ASCC2: variants seen among roughly 807,000 people sequenced by gnomAD.
The protein encoded by ASCC2 is activating signal cointegrator 1 complex subunit 2, also known as ASC-1 complex subunit P100.
A neutral mutation model predicts 93.5 loss-of-function variants in ASCC2; 42 were observed. The ratio of observed to expected loss-of-function variants is 0.45; its 90% CI spans 0.35 to 0.58. The LOEUF (loss-of-function observed/expected upper bound fraction) is 0.58, where lower values mean the gene tolerates loss of function less well. Among genes scored for constraint, ASCC2 ranks in the 20% least tolerant of loss-of-function variants. The pLI, the probability that ASCC2 is intolerant of heterozygous loss-of-function variation, is 0.00. For synonymous variants in ASCC2, 364 were observed against 384.2 expected (o/e 0.95, Z 0.62); for missense variants, 859 against 977.6 (o/e 0.88, Z 1.62).
intron 9 of ASCC2, 118 bp downstream of exon 9, chr22:29,807,993 C>T: frequency 3.1e-6 from 3 of 960,450 alleles, no homozygotes; most frequent in South Asian, 3.0e-5. Context: ...CAAAGCTGCA[C>T]AGTCCCTGGT....
At chr22:29,833,639 G>A (rs1362316333) in intron 1 of ASCC2, 1 of 470,764 alleles carries the variant, frequency 2.1e-6, no homozygotes, top group Admixed American at 2.4e-5. Context: ...GGACATACGT[G>A]TTAAATGAAT....
At chr22:29,817,449 A>G (rs2060996071) in intron 5 of ASCC2, among the ~76,000 whole-genome samples, 1 of 151,786 alleles carries the variant, frequency 6.6e-6, no homozygotes, top group Admixed American at 6.6e-5. Context: ...ACCATTCTCA[A>G]CCTCAGAAAA....
intron 10 of ASCC2, 72 bp from the exon 11 acceptor site, chr22:29,806,625 G>A: frequency 6.6e-7 from 1 of 1,509,884 alleles, no homozygotes; most frequent in Non-Finnish European, 9.1e-7. Context: ...CACACCCGCT[G>A]CCCCTCTTTA....
At chr22:29,796,132 G>A (rs1396433772) in intron 15 of ASCC2, among the ~76,000 whole-genome samples, 5 of 150,532 alleles carry the variant, frequency 3.3e-5, no homozygotes, top group African/African-American at 1.2e-4. Context: ...TTTTTGAGAC[G>A]GACTCTTGCT....
At chr22:29,823,630 G>T (rs1000225985) in intron 4 of ASCC2, among the ~76,000 whole-genome samples, 5 of 152,042 alleles carry the variant, frequency 3.3e-5, no homozygotes, top group African/African-American at 1.2e-4. Flanking sequence ...GACGGATCAC[G>T]TGAGGTCAGG....
intron 15 of ASCC2, among the ~76,000 whole-genome samples, chr22:29,797,717 G>C (rs1052435770): frequency 6.6e-6 from 1 of 152,134 alleles, no homozygotes; most frequent in Admixed American, 6.6e-5. Flanking sequence ...TGTGCTCTGC[G>C]ACTCCCCAAA....
At chr22:29,834,827 AAT>A (rs58443474) in intron 1 of ASCC2, among the ~76,000 whole-genome samples, 18,594 of 152,048 alleles carry the variant, frequency 0.12, 1,803 homozygotes, top group African/African-American at 0.27. Flanking sequence ...TCTTGTGCCG[AAT>A]ATGTTAAAAA....
chr22:29,815,306 AG>A (rs962918235), intron 6 of ASCC2: 1 of 153,106 alleles, frequency 6.5e-6, no homozygotes, highest in Non-Finnish European at 1.5e-5. Context: ...TAAAAAAAAA[AG>A]AAAAAAGAAA....
intron 1 of ASCC2, 182 bp from the exon 2 acceptor site, chr22:29,832,524 T>C (rs868723995): frequency 2.0e-6 from 1 of 508,762 alleles, no homozygotes; most frequent in East Asian, 3.2e-5. Context: ...TTTTTTTGCA[T>C]AAAGCAGTTC....
chr22:29,819,749 T>A (rs1330948328), intron 5 of ASCC2, among the ~76,000 whole-genome samples: 3 of 152,180 alleles, frequency 2.0e-5, no homozygotes, highest in African/African-American at 4.8e-5. Flanking sequence ...GCTGCCCTCC[T>A]GGAATGCTCC....
At position 29,790,567 on chromosome 22, in the gene ASCC2, A is replaced by C. The variant is rs941755124; in HGVS notation, c.2023-19T>G. 1.2e-6 allele frequency: 2 copies of C among 1,612,642 alleles called. No individual in the cohort carries two copies. The highest frequency in any genetic ancestry group is 2.7e-5 in the African/African-American group (2 of 74,918). Reference sequence around the variant, plus strand: ...GGTCGGGCTGTGGAAAGGAGAGGAGACCAAATCTGGAGTCAGGAGCTGCCA... The same window carrying C: ...GGTCGGGCTGTGGAAAGGAGAGGAGCCCAAATCTGGAGTCAGGAGCTGCCA... On this transcript the variant is annotated intron_variant, in intron 18 of 19. Transcript: ENST00000307790.
intron 2 of ASCC2, among the ~76,000 whole-genome samples, chr22:29,829,047 G>A (rs759887375): frequency 2.6e-5 from 4 of 152,060 alleles, no homozygotes; most frequent in East Asian, 1.9e-4. Flanking sequence ...GTAGTGGCAC[G>A]CACCTATAGT....
intron 1 of ASCC2, among the ~76,000 whole-genome samples, chr22:29,837,450 T>C (rs1008170678): frequency 6.6e-6 from 1 of 151,720 alleles, no homozygotes; most frequent in Non-Finnish European, 1.5e-5. Context: ...AAAAATAAAT[T>C]AACTGGACAA....
chr22:29,806,224 T>G lies in ASCC2; in HGVS notation c.1152A>C (p.Ser384=), dbSNP rs149893249. The part of the protein sequence containing the change: ...AEDISLLQQA[S]SVLDETRTAY... ...CTATGGTAGAAGGATACAAGACTGA[T>G]GAGGCCTGCTGCAGCAAGCTGATGT... is the stretch of plus-strand genomic sequence containing the variant. Residue 384 remains serine (S), a synonymous_variant, in exon 12 of 20, where the codon TCA becomes TCC. Transcript: ENST00000307790. 2 of 1,614,026 alleles carry G rather than the reference T, an allele frequency of 1.2e-6. No homozygotes were observed. The highest frequency in any genetic ancestry group is 1.7e-6 in the Non-Finnish European group (2 of 1,180,008).
At position 29,801,077 on chromosome 22, in the gene ASCC2, C is replaced by G. The variant is rs373526969; in HGVS notation, c.1602G>C (p.Thr534=). 2 of 1,608,382 alleles carry G rather than the reference C, an allele frequency of 1.2e-6. No homozygotes were observed. The highest frequency in any genetic ancestry group is 2.7e-5 in the African/African-American group (2 of 74,802). The change falls in exon 15 of 20, where the codon ACG becomes ACC. Residue 534 remains threonine (T), a synonymous_variant. Transcript: ENST00000307790. ...EMKPDPTPLL[T]SRHNVFQNDE... ...CATTCTGGAAGACGTTGTGGCGAGA[C>G]GTCAGCAGGGGTGTAGGGTCTGGTT...
chr22:29,798,951 C>T (rs1338404620), intron 15 of ASCC2, among the ~76,000 whole-genome samples: 1 of 152,278 alleles, frequency 6.6e-6, no homozygotes, highest in African/African-American at 2.4e-5. Flanking sequence ...CAGTGAGTCT[C>T]TCTGCGTGCC....
chr22:29,790,437 G>A, intron 19 of ASCC2, 32 bp downstream of exon 19: 1 of 1,612,386 alleles, frequency 6.2e-7, no homozygotes, highest in Non-Finnish European at 8.5e-7. Flanking sequence ...GGTGGGAGGG[G>A]TCCCCCCAGA....
intron 1 of ASCC2, among the ~76,000 whole-genome samples, chr22:29,835,730 G>A (rs1027130188): frequency 1.3e-5 from 2 of 152,146 alleles, no homozygotes; most frequent in Non-Finnish European, 2.9e-5. Flanking sequence ...AAGTTTAGTT[G>A]TTGTTATTAT....
At chr22:29,819,461 C>T (rs2061298518) in intron 5 of ASCC2, among the ~76,000 whole-genome samples, 1 of 152,168 alleles carries the variant, frequency 6.6e-6, no homozygotes, top group Admixed American at 6.5e-5. Context: ...CACACCCAGC[C>T]TCAACAACCC....
Sources: allele counts gnomAD v4.1 joint callset (sites outside exome capture counted in the v4.1 genomes callset), GRCh38; gene constraint gnomAD v4.1.1; transcripts MANE v1.5; gene names NCBI Gene and HGNC (gene_info 2026-07-23, HGNC 2026-07-21).